ULK4: variants seen among roughly 807,000 people sequenced by gnomAD.
ULK4 encodes the protein unc-51 like kinase 4.
A neutral mutation model predicts 160.6 loss-of-function variants in ULK4; 133 were observed. That is an observed-to-expected ratio of 0.83 (90% CI 0.72 to 0.96). The LOEUF is 0.96. ULK4 is among the 40% of genes least tolerant of loss of function. The pLI is 0.00. For synonymous variants in ULK4, 534 were observed against 539.8 expected (o/e 0.99, Z 0.15); for missense variants, 1,580 against 1,499.5 (o/e 1.05, Z -0.89).
At chr3:41,528,456 CT>C (rs1176395780) in intron 32 of ULK4, among the ~76,000 whole-genome samples, 6 of 152,118 alleles carry the variant, frequency 3.9e-5, no homozygotes, top group Non-Finnish European at 7.4e-5. Context: ...ACTATAGCAT[CT>C]TTTCGGAAGG....
intron 21 of ULK4, among the ~76,000 whole-genome samples, chr3:41,755,404 T>C (rs1168299236): frequency 4.6e-5 from 7 of 152,142 alleles, no homozygotes; most frequent in Non-Finnish European, 1.0e-4. Flanking sequence ...TAAAAACATA[T>C]CTAAGCATCA....
chr3:41,848,100 G>A (rs998517375), intron 17 of ULK4, among the ~76,000 whole-genome samples: 5 of 152,300 alleles, frequency 3.3e-5, no homozygotes, highest in African/African-American at 9.6e-5. Context: ...ACTGGCATCT[G>A]TAATTGGCAT....
At chr3:41,712,076 CTT>C (rs1290306427) in intron 25 of ULK4, among the ~76,000 whole-genome samples, 1 of 152,122 alleles carries the variant, frequency 6.6e-6, no homozygotes, top group Non-Finnish European at 1.5e-5. Context: ...ATGCTAGTCT[CTT>C]TAAAATATAA....
chr3:41,843,709 G>C (rs2041993256), intron 17 of ULK4, among the ~76,000 whole-genome samples: 1 of 152,150 alleles, frequency 6.6e-6, no homozygotes, highest in Non-Finnish European at 1.5e-5. Flanking sequence ...TTATTGCAAA[G>C]AGCAAAAGAA....
intron 12 of ULK4, among the ~76,000 whole-genome samples, chr3:41,904,303 C>T (rs1017519485): frequency 6.6e-6 from 1 of 152,186 alleles, no homozygotes; most frequent in South Asian, 2.1e-4. Context: ...GTGGCGCATA[C>T]TTGTAGTCAC....
intron 31 of ULK4, among the ~76,000 whole-genome samples, chr3:41,577,050 G>T (rs1474826673): frequency 6.6e-6 from 1 of 152,148 alleles, no homozygotes; most frequent in East Asian, 1.9e-4. Flanking sequence ...TTTCCTAATG[G>T]GAGTTTACCA....
intron 14 of ULK4, among the ~76,000 whole-genome samples, chr3:41,898,010 A>C (rs1698226115): frequency 6.6e-6 from 1 of 152,184 alleles, no homozygotes; most frequent in African/African-American, 2.4e-5. Flanking sequence ...CCACCTCCAC[A>C]GTCATGAACC....
At chr3:41,918,892 C>T (rs1699071688) in intron 6 of ULK4, among the ~76,000 whole-genome samples, 1 of 152,160 alleles carries the variant, frequency 6.6e-6, no homozygotes, top group Admixed American at 6.6e-5. Flanking sequence ...TGAGCCACCA[C>T]ACCTGGCCTT....
Position 41,715,544 on chromosome 3 carries a change from T to C in ULK4, c.2480A>G (p.Asn827Ser), listed in dbSNP as rs374796482. The change falls in exon 24 of 37, where the codon AAT (asparagine) becomes AGT (serine). Residue 827 changes from asparagine (N) to serine (S), a missense_variant. Coordinates refer to ENST00000301831, the MANE Select transcript of ULK4 (RefSeq NM_017886.4). Reference protein sequence around the residue: ...ILGDILNSLANVSGRKHPSTV... With the variant: ...ILGDILNSLASVSGRKHPSTV... ...TGATGGGTGTTTACGTCCAGAAACA[T>C]TAGCCAAGGAGTTAAGAATGTCACC... 27 of 1,614,088 alleles carry C rather than the reference T, an allele frequency of 1.7e-5. No individual in the cohort carries two copies. In the African/African-American group the frequency reaches 1.7e-4, roughly 10 times the overall value.
chr3:41,249,644 A>C (rs1191472423), intron 35 of ULK4, 70 bp from the exon 36 acceptor site: 1 of 1,492,786 alleles, frequency 6.7e-7, no homozygotes, highest in African/African-American at 1.4e-5. Flanking sequence ...TTGGATGGGC[A>C]CCCTGAGTAT....
intron 2 of ULK4, among the ~76,000 whole-genome samples, chr3:41,941,877 G>T (rs1182246433): frequency 6.6e-6 from 1 of 152,074 alleles, no homozygotes; most frequent in East Asian, 1.9e-4. Flanking sequence ...ACAGGAAGGG[G>T]GAGGTCCTGA....
chr3:41,695,533 T>G (rs1347593167), intron 27 of ULK4, among the ~76,000 whole-genome samples: 2 of 152,110 alleles, frequency 1.3e-5, no homozygotes, highest in South Asian at 2.1e-4. Context: ...CAAAGACACT[T>G]GAAAGAAGCC....
intron 35 of ULK4, chr3:41,251,201 T>C (rs2078736876): frequency 6.6e-6 from 1 of 152,256 alleles, no homozygotes; most frequent in African/African-American, 2.4e-5. Flanking sequence ...GTATCATGTG[T>C]AGCTGACATA....
chr3:41,604,247 G>A (rs1011937940), intron 31 of ULK4, among the ~76,000 whole-genome samples: 4 of 152,200 alleles, frequency 2.6e-5, no homozygotes, highest in East Asian at 1.9e-4. Context: ...GAGATGACAC[G>A]AGGCGAGAGA....
chr3:41,685,645 A>T (rs1199037251), intron 27 of ULK4, among the ~76,000 whole-genome samples: 1 of 152,164 alleles, frequency 6.6e-6, no homozygotes, highest in East Asian at 1.9e-4. Flanking sequence ...CATCGCAACC[A>T]GTTGTGCTGA....
At chr3:41,781,482 T>C (rs943704167) in intron 21 of ULK4, among the ~76,000 whole-genome samples, 1 of 152,186 alleles carries the variant, frequency 6.6e-6, no homozygotes, top group African/African-American at 2.4e-5. Flanking sequence ...TATTAATTTT[T>C]TGGTCTTTAA....
At chr3:41,451,479 C>T (rs374251856) in intron 34 of ULK4, among the ~76,000 whole-genome samples, 76 of 151,782 alleles carry the variant, frequency 5.0e-4, no homozygotes, top group African/African-American at 1.7e-3. Flanking sequence ...GGGAAATTTT[C>T]GAGAAATGAC....
At chr3:41,667,690 T>C (rs1323199382) in intron 29 of ULK4, among the ~76,000 whole-genome samples, 1 of 152,196 alleles carries the variant, frequency 6.6e-6, no homozygotes, top group East Asian at 1.9e-4. Flanking sequence ...AACAGTACCC[T>C]GTCCAGACAG....
chr3:41,375,952 C>A (rs1203954625), intron 35 of ULK4, among the ~76,000 whole-genome samples: 1 of 150,138 alleles, frequency 6.7e-6, no homozygotes, highest in Non-Finnish European at 1.5e-5. Context: ...AAACAAACAA[C>A]CCCATGAAAA....
Sources: gnomAD v4.1 joint callset for allele counts (sites outside exome capture counted in the v4.1 genomes callset) on GRCh38, gnomAD v4.1.1 for gene constraint, MANE v1.5 for transcripts, NCBI Gene and HGNC (gene_info 2026-07-23, HGNC 2026-07-21) for gene names.